Variants in SUFU observed in about 807,000 individuals in gnomAD.
SUFU encodes SUFU negative regulator of hedgehog signaling.
In SUFU, 7 loss-of-function variants were observed where a neutral mutation model predicts 58.9. The ratio of observed to expected loss-of-function variants is 0.12; its 90% CI spans 0.07 to 0.22. The LOEUF (loss-of-function observed/expected upper bound fraction) is 0.22. Ranked by LOEUF, SUFU falls within the 10% of genes least tolerant of loss-of-function variation. SUFU has a pLI of 1.00. For synonymous variants in SUFU, 232 were observed against 254.8 expected (o/e 0.91, Z 0.85); for missense variants, 451 against 641.3 (o/e 0.70, Z 3.20).
intron 3 of SUFU, among the ~76,000 whole-genome samples, chr10:102,590,312 C>G (rs537180416): frequency 6.6e-6 from 1 of 151,758 alleles, no homozygotes; most frequent in Non-Finnish European, 1.5e-5. Flanking sequence ...ATTACAGGCG[C>G]CTTCTACCAC....
chr10:102,535,339 A>T (rs2062724702), intron 2 of SUFU, among the ~76,000 whole-genome samples: 1 of 151,832 alleles, frequency 6.6e-6, no homozygotes, highest in African/African-American at 2.4e-5. Context: ...ACAAAAAATG[A>T]GCCGGGCATG....
At chr10:102,520,977 G>A (rs537719705) in intron 2 of SUFU, among the ~76,000 whole-genome samples, 1 of 152,240 alleles carries the variant, frequency 6.6e-6, no homozygotes, top group Admixed American at 6.5e-5. Flanking sequence ...CAACTCATCT[G>A]GGTAAATCCC....
chr10:102,540,717 A>AAT (rs35189970), intron 2 of SUFU, among the ~76,000 whole-genome samples: 1,841 of 149,492 alleles, frequency 0.012, 27 homozygotes, highest in East Asian at 0.047. Context: ...CTGCCTTTAA[A>AAT]ATATATATAT....
intron 2 of SUFU, among the ~76,000 whole-genome samples, chr10:102,513,493 A>C (rs927866760): frequency 6.6e-6 from 1 of 152,280 alleles, no homozygotes; most frequent in South Asian, 2.1e-4. Flanking sequence ...ATAGCAAGAC[A>C]TAATTCTTGT....
chr10:102,561,902 C>T (rs2063041353), intron 3 of SUFU, among the ~76,000 whole-genome samples: 1 of 152,080 alleles, frequency 6.6e-6, no homozygotes, highest in Admixed American at 6.6e-5. Context: ...CTCCTGGGCT[C>T]AAGTGATCTG....
At chr10:102,583,717 T>A (rs866683027) in intron 3 of SUFU, among the ~76,000 whole-genome samples, 47 of 152,152 alleles carry the variant, frequency 3.1e-4, no homozygotes, top group Admixed American at 9.2e-4. Context: ...TCTTTTTTTT[T>A]AATTGTACTT....
intron 3 of SUFU, among the ~76,000 whole-genome samples, chr10:102,561,549 C>T (rs990926941): frequency 6.6e-6 from 1 of 151,782 alleles, no homozygotes; most frequent in Non-Finnish European, 1.5e-5. Flanking sequence ...GTTTTTATAG[C>T]AACAAAATAC....
At chr10:102,622,750 C>T (rs537280835) in intron 10 of SUFU, among the ~76,000 whole-genome samples, 224 of 150,134 alleles carry the variant, frequency 1.5e-3, no homozygotes, top group Non-Finnish European at 2.8e-3. Flanking sequence ...ACCCAGGAGG[C>T]GGAGCTTGCA....
intron 2 of SUFU, among the ~76,000 whole-genome samples, chr10:102,524,515 G>A (rs1436923901): frequency 8.0e-5 from 12 of 149,840 alleles, no homozygotes; most frequent in African/African-American, 2.7e-4. Context: ...TTGTAGAGAC[G>A]GGGTTTCACC....
intron 3 of SUFU, among the ~76,000 whole-genome samples, chr10:102,560,907 G>A (rs753690923): frequency 2.2e-4 from 33 of 151,878 alleles, no homozygotes; most frequent in Non-Finnish European, 1.8e-4. Context: ...GCGCGATCTC[G>A]GCTCACCGCA....
Position 102,625,208 on chromosome 10 carries a change from A to G in SUFU, c.1297-1967A>G, listed in dbSNP as rs2063774493. The stretch of plus-strand genomic sequence containing the variant: ...TTAGGCTGTGAGAGGGAGTACGTGT[A>G]TGGCTGGAGTCTGTGGGCAGAGTCG... On this transcript the variant is annotated intron_variant, in intron 10 of 11. Coordinates refer to ENST00000369902, the MANE Select transcript of SUFU (RefSeq NM_016169.4). The surrounding 1 kb of genome is among the most constrained non-coding windows in gnomAD (Gnocchi z 4.7). 6.6e-6 allele frequency among the ~76,000 whole-genome samples: 1 copy of G among 152,174 alleles called. No individual in the cohort carries two copies. Among genetic ancestry groups the G allele is most frequent in the Non-Finnish European group, 1.5e-5 (1 of 68,026 alleles).
intron 10 of SUFU, among the ~76,000 whole-genome samples, chr10:102,624,256 G>A (rs1351358955): frequency 6.6e-6 from 1 of 152,212 alleles, no homozygotes; most frequent in Non-Finnish European, 1.5e-5. Flanking sequence ...CATCACAAGG[G>A]CAAGTCTGTT....
chr10:102,509,323 T>G lies in SUFU; in HGVS notation c.317+20T>G. ...CCATGAGTGAGTATATGCCACCTGT[T>G]CTTTATCCAGAGCCTTATTCCTGAG... On this transcript the variant is annotated intron_variant, in intron 2 of 11. Transcript: ENST00000369902. 1 of 1,613,428 alleles carries G rather than the reference T, an allele frequency of 6.2e-7. No homozygotes were observed.
chr10:102,534,420 C>G (rs1420995974), intron 2 of SUFU, among the ~76,000 whole-genome samples: 1 of 152,052 alleles, frequency 6.6e-6, no homozygotes, highest in Non-Finnish European at 1.5e-5. Flanking sequence ...GAGCGAGACT[C>G]TGTCTCAAAA....
intron 8 of SUFU, among the ~76,000 whole-genome samples, chr10:102,601,064 T>C (rs763232306): frequency 1.3e-5 from 2 of 152,218 alleles, no homozygotes; most frequent in African/African-American, 2.4e-5. Context: ...CTTGGCACTG[T>C]TGGCAGGCCA....
At chr10:102,545,350 C>T (rs1228246142) in intron 2 of SUFU, among the ~76,000 whole-genome samples, 2 of 141,186 alleles carry the variant, frequency 1.4e-5, no homozygotes, top group African/African-American at 2.7e-5. Flanking sequence ...CCTAAGGTGG[C>T]CTCAAACTCC....
intron 8 of SUFU, among the ~76,000 whole-genome samples, chr10:102,604,446 A>G (rs1413631648): frequency 1.3e-5 from 2 of 152,204 alleles, no homozygotes; most frequent in South Asian, 2.1e-4. Context: ...AGTCACGGCC[A>G]TTGTTAACAC....
Position 102,594,082 on chromosome 10 carries a change from G to A in SUFU, c.756+17G>A, listed in dbSNP as rs374600088. 2.5e-6 allele frequency: 4 copies of A among 1,613,488 alleles called. No homozygotes were observed. The African/African-American group carries it at 5.3e-5, about 22-fold the overall frequency. The stretch of plus-strand genomic sequence containing the variant: ...CACCTGCAAGTATGTCTTGAGTGAG[G>A]AAAACCTTTCTAGCACCCTGTGCCT... On this transcript the variant is annotated intron_variant, in intron 6 of 11. Transcript: ENST00000369902.
chr10:102,593,597 G>A (rs779652528), intron 4 of SUFU, 39 bp from the exon 5 acceptor site: 5 of 1,602,178 alleles, frequency 3.1e-6, no homozygotes, highest in Non-Finnish European at 4.3e-6. Flanking sequence ...GTGGGGGGTG[G>A]CCATTAACAC....
Sources: gnomAD v4.1 joint callset for allele counts (sites outside exome capture counted in the v4.1 genomes callset) on GRCh38, gnomAD v4.1.1 for gene constraint, Gnocchi (gnomAD v3.1) non-coding constraint, MANE v1.5 for transcripts, NCBI Gene and HGNC (gene_info 2026-07-23, HGNC 2026-07-21) for gene names.